DACH1: variants seen among roughly 807,000 people sequenced by gnomAD.
DACH1 encodes dachshund family transcription factor 1.
A neutral mutation model predicts 54.2 loss-of-function variants in DACH1; 12 were observed. The observed-to-expected ratio is 0.22, with a 90% CI of 0.14 to 0.36. The LOEUF is 0.36. DACH1 is among the 10% of genes least tolerant of loss of function. The pLI, the probability that DACH1 is intolerant of heterozygous loss-of-function variation, is 1.00. For synonymous variants in DACH1, 386 were observed against 366.2 expected (o/e 1.05, Z -0.62); for missense variants, 805 against 929.8 (o/e 0.87, Z 1.75).
chr13:71,441,212 AG>A (rs959488872), intron 10 of DACH1, among the ~76,000 whole-genome samples: 3 of 152,054 alleles, frequency 2.0e-5, no homozygotes, highest in Non-Finnish European at 4.4e-5. Context: ...AATGAACTAT[AG>A]CCTTTACCCC....
rs879833354 is a variant in DACH1 at position 71,819,606 on chromosome 13, TC to T, written c.848+46315del. On this transcript the variant is annotated intron_variant, in intron 1 of 10. Transcript: ENST00000613252. ...GACTTTGTCTCTACCAATGTTTCCT[TC>T]CACCAGCAATAATATAATAAGAATG... 5.9e-5 allele frequency among the ~76,000 whole-genome samples: 9 copies of T among 152,248 alleles called. No homozygotes were observed. In the East Asian group the frequency reaches 1.7e-3, roughly 29 times the overall value.
chr13:71,444,806 G>T, intron 10 of DACH1, among the ~76,000 whole-genome samples: 1 of 152,010 alleles, frequency 6.6e-6, no homozygotes, highest in East Asian at 1.9e-4. Context: ...TTCCTTTTCA[G>T]TCTTATCTTT....
At chr13:71,463,452 T>C (rs1054096538) in intron 10 of DACH1, among the ~76,000 whole-genome samples, 2 of 151,942 alleles carry the variant, frequency 1.3e-5, no homozygotes, top group Non-Finnish European at 2.9e-5. Flanking sequence ...TTAATCCTCA[T>C]AAATTTATGC....
chr13:71,536,132 A>G (rs1350578117), intron 6 of DACH1, among the ~76,000 whole-genome samples: 1 of 152,100 alleles, frequency 6.6e-6, no homozygotes, highest in Non-Finnish European at 1.5e-5. Flanking sequence ...ATACTGATCC[A>G]GCTAAATTTA....
chr13:71,709,092 A>G (rs1267677335), intron 1 of DACH1, among the ~76,000 whole-genome samples: 2 of 151,930 alleles, frequency 1.3e-5, no homozygotes, highest in African/African-American at 4.8e-5. Context: ...TGACCTCATG[A>G]TCCTCCTGCC....
At chr13:71,771,198 A>T (rs1885837149) in intron 1 of DACH1, among the ~76,000 whole-genome samples, 2 of 151,256 alleles carry the variant, frequency 1.3e-5, no homozygotes, top group Admixed American at 6.6e-5. Flanking sequence ...TTTAGGAAAG[A>T]TCTTCCTTAT....
chr13:71,503,954 G>A (rs1294409739), intron 6 of DACH1, among the ~76,000 whole-genome samples: 1 of 152,098 alleles, frequency 6.6e-6, no homozygotes, highest in Non-Finnish European at 1.5e-5. Flanking sequence ...GTATGTTTAT[G>A]TCATTGTCAG....
chr13:71,622,975 C>T (rs1876356775), intron 3 of DACH1, among the ~76,000 whole-genome samples: 1 of 151,586 alleles, frequency 6.6e-6, no homozygotes, highest in African/African-American at 2.4e-5. Context: ...GTGGAATAGA[C>T]ATCACATTCA....
In DACH1 at chr13:71,586,136, T is replaced by C. The variant is rs150016846; in HGVS notation, c.1127-13124A>G. ...TGTATCATGTTTGGAAGGTTTCACA[T>C]ACAGGGATATAATTTACCCTTTCTT... is the stretch of plus-strand genomic sequence containing the variant. On this transcript the variant is annotated intron_variant, in intron 3 of 10. Transcript: ENST00000613252. Among the ~76,000 whole-genome samples the C allele has an allele frequency of 4.6e-3, 702 of 152,278 alleles. 4 individuals are homozygous for C. Among genetic ancestry groups the C allele is most frequent in the Admixed American group, 8.3e-3 (127 of 15,282 alleles).
intron 1 of DACH1, among the ~76,000 whole-genome samples, chr13:71,714,805 A>G (rs1238098884): frequency 6.6e-6 from 1 of 152,124 alleles, no homozygotes; most frequent in African/African-American, 2.4e-5. Context: ...TTAAAAATGT[A>G]TTTTAAAATA....
chr13:71,519,882 A>AGTGT (rs1403908060), intron 6 of DACH1, among the ~76,000 whole-genome samples: 3 of 35,550 alleles, frequency 8.4e-5, no homozygotes, highest in African/African-American at 1.9e-4. Context: ...AAACCAAAGT[A>AGTGT]GTATATATAT....
chr13:71,583,069 C>T (rs1220733475), intron 3 of DACH1, among the ~76,000 whole-genome samples: 6 of 152,090 alleles, frequency 3.9e-5, no homozygotes, highest in Non-Finnish European at 4.4e-5. Context: ...CTCAAAATAT[C>T]AATCTTCATA....
At chr13:71,453,361 G>A (rs568488775) in intron 10 of DACH1, among the ~76,000 whole-genome samples, 1 of 152,076 alleles carries the variant, frequency 6.6e-6, no homozygotes, top group Non-Finnish European at 1.5e-5. Flanking sequence ...ATGATTTCTT[G>A]TTTGATCAAA....
intron 10 of DACH1, among the ~76,000 whole-genome samples, chr13:71,454,661 C>A (rs1171233740): frequency 6.6e-6 from 1 of 152,254 alleles, no homozygotes; most frequent in Middle Eastern, 3.4e-3. Flanking sequence ...CCCAGGCCCT[C>A]AGTCTAGCAC....
chr13:71,525,029 T>C (rs1006878389), intron 6 of DACH1, among the ~76,000 whole-genome samples: 1 of 152,196 alleles, frequency 6.6e-6, no homozygotes, highest in East Asian at 1.9e-4. Flanking sequence ...TATCATTAAA[T>C]TTCAATCGCC....
At chr13:71,517,541 T>C (rs917247363) in intron 6 of DACH1, among the ~76,000 whole-genome samples, 34 of 151,880 alleles carry the variant, frequency 2.2e-4, no homozygotes, top group African/African-American at 8.2e-4. Flanking sequence ...TCACTACATT[T>C]TGGTCTTTAG....
At chr13:71,681,294 C>T (rs1880882345) in intron 2 of DACH1, among the ~76,000 whole-genome samples, 1 of 152,130 alleles carries the variant, frequency 6.6e-6, no homozygotes, top group South Asian at 2.1e-4. Context: ...TAGAAATAAA[C>T]ATCTTTCAAA....
chr13:71,484,553 A>T (rs1030448351), intron 7 of DACH1, among the ~76,000 whole-genome samples: 3 of 152,140 alleles, frequency 2.0e-5, no homozygotes, highest in Non-Finnish European at 4.4e-5. Context: ...TAGTGAACCA[A>T]ACTCCAATCA....
chr13:71,787,903 A>G (rs1236131612), intron 1 of DACH1, among the ~76,000 whole-genome samples: 1 of 152,206 alleles, frequency 6.6e-6, no homozygotes, highest in East Asian at 1.9e-4. Context: ...TCAATAAACA[A>G]AAGATAAATG....
Sources: allele counts gnomAD v4.1 joint callset (sites outside exome capture counted in the v4.1 genomes callset), GRCh38; gene constraint gnomAD v4.1.1; transcripts MANE v1.5; gene names NCBI Gene and HGNC (gene_info 2026-07-23, HGNC 2026-07-21).